Variants in CDC42EP3 observed in about 807,000 individuals in gnomAD.
The protein encoded by CDC42EP3 is CDC42 effector protein (Rho GTPase binding) 3.
In CDC42EP3, 4 loss-of-function variants were observed where a neutral mutation model predicts 15.5. The observed-to-expected ratio is 0.26, with a 90% CI of 0.13 to 0.59. The LOEUF (loss-of-function observed/expected upper bound fraction) is 0.59. Ranked by LOEUF, CDC42EP3 falls within the 20% of genes least tolerant of loss-of-function variation. CDC42EP3 has a pLI of 0.89. For synonymous variants in CDC42EP3, 145 were observed against 130.3 expected (o/e 1.11, Z -0.77); for missense variants, 309 against 311.2 (o/e 0.99, Z 0.05).
chr2:37,663,946 G>T (rs765272183), intron 1 of CDC42EP3, among the ~76,000 whole-genome samples: 2 of 152,022 alleles, frequency 1.3e-5, no homozygotes, highest in Non-Finnish European at 2.9e-5. Flanking sequence ...AGGCTGAGGC[G>T]GGCAGATCAT....
chr2:37,656,981 C>CCCCCCCCA (rs1572516349), intron 1 of CDC42EP3, among the ~76,000 whole-genome samples: 1 of 74,512 alleles, frequency 1.3e-5, no homozygotes, highest in Admixed American at 1.4e-4. Context: ...GTAACAAAGC[C>CCCCCCCCA]CCCCCCCCAC....
intron 1 of CDC42EP3, among the ~76,000 whole-genome samples, chr2:37,647,170 C>CT (rs1276938980): frequency 2.0e-5 from 3 of 152,174 alleles, no homozygotes; most frequent in Non-Finnish European, 4.4e-5. Context: ...ATACATTTTC[C>CT]TTTTGCTTTG....
In CDC42EP3 at chr2:37,645,651, T is replaced by A; in HGVS notation, c.*172A>T. Reference sequence around the variant, plus strand: ...AGATAGGTTTTGCTTTGTTGTTTTTTTCTAAATTGTTTTTGCAAACAGGGC... The same window carrying A: ...AGATAGGTTTTGCTTTGTTGTTTTTATCTAAATTGTTTTTGCAAACAGGGC... On this transcript the variant is annotated 3_prime_UTR_variant, in exon 2 of 2. Coordinates refer to ENST00000295324, the MANE Select transcript of CDC42EP3 (RefSeq NM_006449.5). 2 of 527,898 alleles carry A rather than the reference T, an allele frequency of 3.8e-6. No individual in the cohort carries two copies. The highest frequency in any genetic ancestry group is 6.3e-6 in the Non-Finnish European group (2 of 316,010). 32.7% of individuals were successfully genotyped at this position (527,898 alleles called of 1,614,324 possible).
At chr2:37,663,587 C>G (rs557363056) in intron 1 of CDC42EP3, among the ~76,000 whole-genome samples, 2 of 152,296 alleles carry the variant, frequency 1.3e-5, no homozygotes, top group African/African-American at 4.8e-5. Flanking sequence ...CCACAGGGCC[C>G]GCAGATGATC....
chr2:37,648,597 G>C (rs1665558906), intron 1 of CDC42EP3, among the ~76,000 whole-genome samples: 1 of 152,224 alleles, frequency 6.6e-6, no homozygotes, highest in Admixed American at 6.5e-5. Context: ...TTTGGGTATG[G>C]GGAGGAGGCA....
intron 1 of CDC42EP3, among the ~76,000 whole-genome samples, chr2:37,660,273 T>A (rs1185206853): frequency 2.0e-5 from 3 of 152,254 alleles, no homozygotes; most frequent in Admixed American, 1.3e-4. Context: ...TGGTTCCTAT[T>A]GATCCTGTGG....
rs1402434401 is a variant in CDC42EP3 at position 37,646,417 on chromosome 2, G to C, written c.171C>G (p.Ser57=). Residue 57 remains serine, a synonymous_variant, in exon 2 of 2, where the codon TCC becomes TCG. Transcript: ENST00000295324. The stretch of plus-strand genomic sequence containing the variant: ...AAAGCTCGTAGTTCCCTTGAAGAAA[G>C]GAAATATCTCCAAAGACATCGTGCT... The part of the protein sequence containing the change: ...EGQHDVFGDI[S]FLQGNYELLP... 6.2e-7 allele frequency: 1 copy of C among 1,614,082 alleles called. No individual in the cohort carries two copies.
chr2:37,656,996 CGCCCCCCGCCATCCTCGAGGAGAAAAA>C (rs1665881013), intron 1 of CDC42EP3, among the ~76,000 whole-genome samples: 6 of 78,520 alleles, frequency 7.6e-5, no homozygotes, highest in African/African-American at 3.6e-4. Context: ...CCCCACCCCC[CGCCCCCCGCCATCCTCGAGGAGAAAAA>C]CAAACATCCT....
At chr2:37,670,667 C>T (rs540795308) in intron 1 of CDC42EP3, among the ~76,000 whole-genome samples, 2 of 152,218 alleles carry the variant, frequency 1.3e-5, no homozygotes, top group East Asian at 3.9e-4. Context: ...TATTTTTAAA[C>T]TGACCTCTCC....
intron 1 of CDC42EP3, among the ~76,000 whole-genome samples, chr2:37,669,747 A>T (rs1666348458): frequency 6.6e-6 from 1 of 152,244 alleles, no homozygotes; most frequent in African/African-American, 2.4e-5. Flanking sequence ...CTTATCTGTG[A>T]GCCCAGAGGC....
chr2:37,660,927 A>G (rs986180852), intron 1 of CDC42EP3, among the ~76,000 whole-genome samples: 2 of 152,198 alleles, frequency 1.3e-5, no homozygotes, highest in Non-Finnish European at 2.9e-5. Flanking sequence ...TAATCATTGG[A>G]AGGGACTTCA....
chr2:37,645,937 C>T lies in CDC42EP3; in HGVS notation c.651G>A (p.Lys217=). 6.2e-7 allele frequency: 1 copy of T among 1,613,922 alleles called. No individual in the cohort carries two copies. The highest frequency in any genetic ancestry group is 8.5e-7 in the Non-Finnish European group (1 of 1,179,876). The change falls in exon 2 of 2, where the codon AAG becomes AAA. Residue 217 remains lysine, a synonymous_variant. Transcript: ENST00000295324. ...CAGAGAGGGACTCCTCTGACTTAGTCTTTCCCTTGATGAGCTCGCATGGGG... is the reference window on the plus strand; with the variant it reads ...CAGAGAGGGACTCCTCTGACTTAGTTTTTCCCTTGATGAGCTCGCATGGGG... ...HPTPCELIKG[K]TKSEESLSDL... is the part of the protein sequence containing the mutation.
rs929155119 is a variant in CDC42EP3 at position 37,657,004 on chromosome 2, G to A, written c.-235-10182C>T. 4.1e-3 allele frequency among the ~76,000 whole-genome samples: 135 copies of A among 32,652 alleles called. 2 individuals are homozygous for A. The highest frequency in any genetic ancestry group is 0.017 in the African/African-American group (125 of 7,396). The allele number at this position is 32,652 out of a possible 152,430, so 21.4% of individuals were successfully genotyped here. A position where few individuals can be genotyped will look rare whatever the true frequency, so the allele number is the denominator to read the frequency against. ...GCCCCCCCCCCACCCCCCGCCCCCC[G>A]CCATCCTCGAGGAGAAAAACAAACA... is the stretch of plus-strand genomic sequence containing the variant. On this transcript the variant is annotated intron_variant, in intron 1 of 1. Transcript: ENST00000295324.
chr2:37,668,558 T>A (rs1270305668), intron 1 of CDC42EP3, among the ~76,000 whole-genome samples: 4 of 152,214 alleles, frequency 2.6e-5, no homozygotes, highest in Non-Finnish European at 4.4e-5. Flanking sequence ...GAAGTTCAGT[T>A]TTTTTTCCCA....
rs771318840 is a variant in CDC42EP3 at position 37,646,053 on chromosome 2, A to G, written c.535T>C (p.Ser179Pro). Residue 179 changes from serine (S) to proline (P), a missense_variant, in exon 2 of 2, where the codon TCT becomes CCT. Physicochemically the swap from Ser to Pro is moderately conservative, Grantham distance 74. Transcript: ENST00000295324. ...DTSWGSSGSA[S>P]QSSQGRDSHS... ...CTGTCTCTGCCTTGGCTGGACTGAG[A>G]TGCAGAACCGCTGGAGCCCCACGAG... 6 of 1,614,122 alleles carry G rather than the reference A, an allele frequency of 3.7e-6. No homozygotes were observed. The African/African-American group carries it at 6.7e-5, about 18-fold the overall frequency.
intron 1 of CDC42EP3, among the ~76,000 whole-genome samples, chr2:37,664,775 A>G (rs1299884536): frequency 6.6e-6 from 1 of 152,226 alleles, no homozygotes; most frequent in Non-Finnish European, 1.5e-5. Context: ...ACATGGATGG[A>G]GTTGGAGGCC....
chr2:37,672,522 G>A (rs13000779), upstream of CDC42EP3: 7,414 of 152,334 alleles, frequency 0.049, 179 homozygotes, highest in Middle Eastern at 0.071. Context: ...CCGGTCACCC[G>A]GCCACCGCCA....
intron 1 of CDC42EP3, among the ~76,000 whole-genome samples, chr2:37,666,177 T>C (rs916229910): frequency 3.3e-5 from 5 of 152,200 alleles, no homozygotes; most frequent in Non-Finnish European, 7.3e-5. Flanking sequence ...ACTGCGGTTA[T>C]GTAGCTTCTG....
At chr2:37,648,064 A>T (rs965066611) in intron 1 of CDC42EP3, among the ~76,000 whole-genome samples, 3 of 152,204 alleles carry the variant, frequency 2.0e-5, no homozygotes, top group African/African-American at 7.2e-5. Flanking sequence ...GTAGAAAGCA[A>T]CACATCCTCC....
Sources: gnomAD v4.1 joint callset for allele counts (sites outside exome capture counted in the v4.1 genomes callset) on GRCh38, gnomAD v4.1.1 for gene constraint, MANE v1.5 for transcripts, NCBI Gene and HGNC (gene_info 2026-07-23, HGNC 2026-07-21) for gene names.